The following NAMPT variants were observed in gnomAD, a reference collection of about 807,000 sequenced individuals.
NAMPT encodes nicotinamide phosphoribosyltransferase.
Under a neutral mutation model 58.7 loss-of-function variants are expected in NAMPT, and 7 were observed. The ratio of observed to expected loss-of-function variants is 0.12; its 90% CI spans 0.07 to 0.22. The LOEUF (loss-of-function observed/expected upper bound fraction) is 0.22, where lower values mean the gene tolerates loss of function less well. NAMPT is among the 10% of genes least tolerant of loss of function. NAMPT has a pLI of 1.00. For missense variants in NAMPT, 271 were observed against 567.9 expected, an observed-to-expected ratio of 0.48 and a Z score of 5.31; for synonymous variants, 145 against 198.1, an observed-to-expected ratio of 0.73 and a Z score of 2.25.
chr7:106,285,016 A>G, upstream of NAMPT: 3 of 1,401,828 alleles, frequency 2.1e-6, no homozygotes, highest in South Asian at 2.8e-5. Context: ...AGAGGGGGAA[A>G]CGGAGAGAGG....
At chr7:106,258,422 C>T (rs1233506387) in intron 8 of NAMPT, among the ~76,000 whole-genome samples, 1 of 152,150 alleles carries the variant, frequency 6.6e-6, no homozygotes, top group Non-Finnish European at 1.5e-5. Flanking sequence ...ATCTGAGATT[C>T]GTATACATCA....
intron 1 of NAMPT, among the ~76,000 whole-genome samples, chr7:106,279,087 C>T (rs998135182): frequency 6.6e-6 from 1 of 152,188 alleles, no homozygotes; most frequent in Non-Finnish European, 1.5e-5. Context: ...TGTACAAATA[C>T]AGCTCCAGTT....
intron 6 of NAMPT, among the ~76,000 whole-genome samples, chr7:106,267,523 T>TGA (rs1792436025): frequency 2.0e-5 from 3 of 152,052 alleles, no homozygotes; most frequent in Non-Finnish European, 4.4e-5. Context: ...TAAAAGTCAG[T>TGA]GATAAGGTTT....
At chr7:106,284,764 C>A (rs1386457466) in intron 1 of NAMPT, 64 bp downstream of exon 1, 466 of 1,402,520 alleles carry the variant, frequency 3.3e-4, no homozygotes, top group Admixed American at 1.6e-3. Context: ...CCCCCGCCCC[C>A]CTGCCGCGCG....
At chr7:106,285,545 G>T (rs1393912131), upstream of NAMPT, 10 of 985,940 alleles carry the variant, frequency 1.0e-5, no homozygotes, top group African/African-American at 1.7e-4. Flanking sequence ...ACTCACCTTT[G>T]TCTCCGGCCT....
chr7:106,248,585 A>C lies in NAMPT; in HGVS notation c.*2498T>G, dbSNP rs1792056268. ...GGAAAACAAGGGATACTCATAAAAA[A>C]CATTTTACTTTAATTATAGGGTACA... On this transcript the variant is annotated 3_prime_UTR_variant, in exon 11 of 11. Transcript: ENST00000222553. 6.6e-6 allele frequency: 1 copy of C among 152,166 alleles called. No homozygotes were observed. Among genetic ancestry groups the C allele is most frequent in the Admixed American group, 6.6e-5 (1 of 15,234 alleles). 9.4% of individuals were successfully genotyped at this position (152,166 alleles called of 1,614,324 possible). A position where few individuals can be genotyped will look rare whatever the true frequency, so the allele number is the denominator to read the frequency against.
At chr7:106,263,687 CA>C in intron 6 of NAMPT, 70 bp from the exon 7 acceptor site, 1 of 1,132,576 alleles carries the variant, frequency 8.8e-7, no homozygotes, top group Admixed American at 1.8e-5. Context: ...CACCTTTAAT[CA>C]TATCTCATGT....
At chr7:106,252,847 A>G (rs1361782567) in intron 10 of NAMPT, among the ~76,000 whole-genome samples, 170 bp downstream of exon 10, 1 of 152,124 alleles carries the variant, frequency 6.6e-6, no homozygotes, top group Non-Finnish European at 1.5e-5. Flanking sequence ...TATGACGTAG[A>G]CACTTGTTTT....
At chr7:106,254,150 ATTG>A (rs1255677355) in intron 9 of NAMPT, among the ~76,000 whole-genome samples, 2 of 152,074 alleles carry the variant, frequency 1.3e-5, no homozygotes, top group African/African-American at 4.8e-5. Flanking sequence ...CTTTTTCCTT[ATTG>A]TTCTTCCTTT....
At chr7:106,276,983 G>C in intron 2 of NAMPT, 40 bp downstream of exon 2, 1 of 1,462,920 alleles carries the variant, frequency 6.8e-7, no homozygotes, top group Non-Finnish European at 9.6e-7. Context: ...GGAGTTAAGA[G>C]TAATAAGCAG....
intron 1 of NAMPT, among the ~76,000 whole-genome samples, chr7:106,277,794 C>A (rs1586026951): frequency 6.6e-6 from 1 of 152,152 alleles, no homozygotes; most frequent in Non-Finnish European, 1.5e-5. Context: ...AACATCAAAT[C>A]CTTATGAGTT....
At chr7:106,254,840 G>T (rs1255703417) in intron 8 of NAMPT, among the ~76,000 whole-genome samples, 1 of 152,120 alleles carries the variant, frequency 6.6e-6, no homozygotes, top group Non-Finnish European at 1.5e-5. Context: ...CATTCACCTC[G>T]TTAAGTTATT....
At chr7:106,267,873 A>AAAAAAAAAAAAAAAC (rs1792455452) in intron 6 of NAMPT, among the ~76,000 whole-genome samples, 3 of 137,158 alleles carry the variant, frequency 2.2e-5, no homozygotes, top group South Asian at 2.3e-4. Context: ...AAAAAAAAAA[A>AAAAAAAAAAAAAAAC]AAACAACCTG....
At chr7:106,278,268 A>C (rs975260828) in intron 1 of NAMPT, among the ~76,000 whole-genome samples, 1 of 152,196 alleles carries the variant, frequency 6.6e-6, no homozygotes, top group African/African-American at 2.4e-5. Flanking sequence ...ATATATTTCC[A>C]TTGATGATTC....
rs1461002191 is a variant in NAMPT, at chr7:106,272,524, A to G, written c.447+6T>C. The G allele has an allele frequency of 1.2e-6, 2 of 1,604,622 alleles. No individual in the cohort carries two copies. The stretch of plus-strand genomic sequence containing the variant: ...ATGTTAAATAAGAATTAAAAAAACA[A>G]TTTACCTCAATCCAATTTGTAAGCC... On this transcript the variant is annotated splice_donor_region_variant and intron_variant, in intron 4 of 10. Coordinates refer to ENST00000222553, the MANE Select transcript of NAMPT (RefSeq NM_005746.3).
chr7:106,284,644 C>T (rs1792832415), intron 1 of NAMPT, 184 bp downstream of exon 1: 1 of 563,662 alleles, frequency 1.8e-6, no homozygotes, highest in African/African-American at 2.0e-5. Flanking sequence ...CACCTCCTGC[C>T]CACTGCGGCG....
chr7:106,263,263 G>T (rs1792344316), intron 7 of NAMPT, 129 bp downstream of exon 7: 1 of 672,338 alleles, frequency 1.5e-6, no homozygotes, highest in Non-Finnish European at 2.6e-6. Context: ...CTCTCTCTGG[G>T]CTGCAACTCT....
At chr7:106,260,622 C>G (rs1792286040) in intron 8 of NAMPT, among the ~76,000 whole-genome samples, 1 of 152,238 alleles carries the variant, frequency 6.6e-6, no homozygotes, top group Non-Finnish European at 1.5e-5. Flanking sequence ...TTTTAGCTTT[C>G]AGCATGCCTT....
chr7:106,254,584 G>T, intron 8 of NAMPT, 80 bp from the exon 9 acceptor site: 1 of 1,446,632 alleles, frequency 6.9e-7, no homozygotes, highest in Non-Finnish European at 9.6e-7. Context: ...GGACAATATT[G>T]ATGAATGAAG....
Sources: allele counts gnomAD v4.1 joint callset (sites outside exome capture counted in the v4.1 genomes callset), GRCh38; gene constraint gnomAD v4.1.1; transcripts MANE v1.5; gene names NCBI Gene and HGNC (gene_info 2026-07-23, HGNC 2026-07-21).